The following LRFN5 variants were observed in gnomAD, a reference collection of about 807,000 sequenced individuals.
LRFN5 encodes the protein leucine-rich repeat and fibronectin type-III domain-containing protein 5.
A neutral mutation model predicts 45.6 loss-of-function variants in LRFN5; 24 were observed. That is an observed-to-expected ratio of 0.53 (90% CI 0.38 to 0.74). The LOEUF is 0.74. LRFN5 is among the 30% of genes least tolerant of loss of function. LRFN5 has a pLI of 0.00. For missense variants in LRFN5, 776 were observed against 861.5 expected (o/e 0.90, Z 1.24); for synonymous variants, 340 against 313.8 (o/e 1.08, Z -0.88).
At chr14:41,642,338 T>G (rs1238354104) in intron 1 of LRFN5, among the ~76,000 whole-genome samples, 1 of 152,180 alleles carries the variant, frequency 6.6e-6, no homozygotes, top group Non-Finnish European at 1.5e-5. Context: ...CCACTCTTTC[T>G]CAGATTTAGT....
At chr14:41,884,795 G>A (rs941184852) in intron 2 of LRFN5, among the ~76,000 whole-genome samples, 7 of 152,040 alleles carry the variant, frequency 4.6e-5, no homozygotes, top group Admixed American at 2.6e-4. Flanking sequence ...ATGAATCTCC[G>A]GATTGGCCAC....
intron 1 of LRFN5, among the ~76,000 whole-genome samples, chr14:41,654,999 C>G (rs984919233): frequency 6.6e-6 from 1 of 152,048 alleles, no homozygotes; most frequent in Non-Finnish European, 1.5e-5. Flanking sequence ...TCTCTGTATG[C>G]CACTGCCTGT....
intron 1 of LRFN5, among the ~76,000 whole-genome samples, chr14:41,650,340 C>A (rs932717371): frequency 4.7e-5 from 7 of 150,096 alleles, no homozygotes; most frequent in Admixed American, 2.0e-4. Context: ...ATATAAATTG[C>A]CAATATTAAA....
intron 1 of LRFN5, among the ~76,000 whole-genome samples, chr14:41,664,093 A>G (rs1389363085): frequency 6.6e-6 from 1 of 151,952 alleles, no homozygotes; most frequent in African/African-American, 2.4e-5. Context: ...ATTCCCAGAA[A>G]CATAACTACA....
intron 1 of LRFN5, among the ~76,000 whole-genome samples, chr14:41,646,056 A>G (rs1879803216): frequency 6.6e-6 from 1 of 152,202 alleles, no homozygotes; most frequent in Non-Finnish European, 1.5e-5. Context: ...TATATCATGT[A>G]TAGTGATCAG....
At chr14:41,674,665 C>G (rs538756146) in intron 1 of LRFN5, among the ~76,000 whole-genome samples, 3,459 of 150,218 alleles carry the variant, frequency 0.023, 126 homozygotes, top group African/African-American at 0.08. Context: ...ATCCCCCCAC[C>G]TCCCTCCCGG....
At chr14:41,839,547 A>T (rs1463424240) in intron 2 of LRFN5, among the ~76,000 whole-genome samples, 1 of 152,076 alleles carries the variant, frequency 6.6e-6, no homozygotes, top group African/African-American at 2.4e-5. Context: ...TTTTTGCCTG[A>T]TGCTTTCCAT....
chr14:41,787,052 G>T (rs914814615), intron 2 of LRFN5, among the ~76,000 whole-genome samples: 1 of 151,866 alleles, frequency 6.6e-6, no homozygotes, highest in African/African-American at 2.4e-5. Flanking sequence ...TGATCATATG[G>T]TGCATCTTTA....
At chr14:41,757,235 T>G (rs191787256) in intron 1 of LRFN5, among the ~76,000 whole-genome samples, 4,050 of 152,240 alleles carry the variant, frequency 0.027, 185 homozygotes, top group African/African-American at 0.092. Flanking sequence ...GTCTGTTTGT[T>G]CTCAGATCTC....
chr14:41,661,579 C>G (rs943201059), intron 1 of LRFN5, among the ~76,000 whole-genome samples: 1 of 152,048 alleles, frequency 6.6e-6, no homozygotes, highest in Non-Finnish European at 1.5e-5. Context: ...ATGACAGGCC[C>G]TAGGGCTAAT....
intron 2 of LRFN5, among the ~76,000 whole-genome samples, chr14:41,824,036 T>C (rs1047721227): frequency 6.6e-6 from 1 of 152,184 alleles, no homozygotes; most frequent in Non-Finnish European, 1.5e-5. Flanking sequence ...TTTTTTTAAG[T>C]CATTTTAGTA....
At chr14:41,738,745 A>G (rs553859788) in intron 1 of LRFN5, among the ~76,000 whole-genome samples, 26 of 152,260 alleles carry the variant, frequency 1.7e-4, no homozygotes, top group African/African-American at 5.5e-4. Flanking sequence ...ATAGCTTTCA[A>G]TATTCTCCCT....
At chr14:41,856,955 C>CG (rs1761152481) in intron 2 of LRFN5, among the ~76,000 whole-genome samples, 1 of 151,332 alleles carries the variant, frequency 6.6e-6, no homozygotes. Context: ...TGAGCCACCG[C>CG]GTCCGGCCTC....
intron 2 of LRFN5, among the ~76,000 whole-genome samples, chr14:41,834,648 G>T (rs930611909): frequency 9.9e-5 from 15 of 151,650 alleles, no homozygotes; most frequent in African/African-American, 2.2e-4. Context: ...GATTTTTTTT[G>T]TTGTTTGTTT....
intron 1 of LRFN5, among the ~76,000 whole-genome samples, chr14:41,633,944 A>G (rs531163249): frequency 2.6e-5 from 4 of 152,226 alleles, no homozygotes; most frequent in East Asian, 1.9e-4. Flanking sequence ...CATTTTTCCT[A>G]GAGATATGGA....
chr14:41,704,478 C>G (rs1441459568), intron 1 of LRFN5, among the ~76,000 whole-genome samples: 2 of 98,268 alleles, frequency 2.0e-5, no homozygotes, highest in African/African-American at 6.1e-5. Flanking sequence ...GATTTGAAGT[C>G]TCACTATGTT....
At position 41,876,758 on chromosome 14, in the gene LRFN5, C is replaced by G. The variant is rs75663409; in HGVS notation, c.-20-9848C>G. Among the ~76,000 whole-genome samples the G allele has an allele frequency of 7.6e-3, 1,156 of 152,108 alleles. 17 individuals are homozygous for G. The highest frequency in any genetic ancestry group is 0.027 in the African/African-American group (1,107 of 41,480). ...CTTTAAATACTGAAGTTTCCAAAAC[C>G]CTCTTGGGAAAAGTGTACAATACAG... On this transcript the variant is annotated intron_variant, in intron 2 of 5. Coordinates refer to ENST00000298119, the MANE Select transcript of LRFN5 (RefSeq NM_152447.5).
intron 2 of LRFN5, among the ~76,000 whole-genome samples, chr14:41,866,370 A>G (rs2139108592): frequency 6.6e-6 from 1 of 152,276 alleles, no homozygotes; most frequent in Non-Finnish European, 1.5e-5. Context: ...CAGGGCAGTT[A>G]CAGCTGAGGA....
At chr14:41,804,736 A>G (rs989118450) in intron 2 of LRFN5, among the ~76,000 whole-genome samples, 1 of 152,118 alleles carries the variant, frequency 6.6e-6, no homozygotes, top group Non-Finnish European at 1.5e-5. Flanking sequence ...CACTGTCACA[A>G]TTTTCTCAGT....
Sources: gnomAD v4.1 joint callset for allele counts (sites outside exome capture counted in the v4.1 genomes callset) on GRCh38, gnomAD v4.1.1 for gene constraint, MANE v1.5 for transcripts, NCBI Gene and HGNC (gene_info 2026-07-23, HGNC 2026-07-21) for gene names.